MICAL3: variants seen among roughly 807,000 people sequenced by gnomAD.
MICAL3 encodes the protein microtubule associated monooxygenase, calponin and LIM domain containing 3.
A neutral mutation model predicts 207.4 loss-of-function variants in MICAL3; 62 were observed. The observed-to-expected ratio is 0.30, with a 90% confidence interval of 0.24 to 0.37. The LOEUF (loss-of-function observed/expected upper bound fraction) is 0.37. Ranked by LOEUF, MICAL3 falls within the 10% of genes least tolerant of loss-of-function variation. MICAL3 has a pLI of 1.00. For synonymous variants in MICAL3, 1,077 were observed against 1,069.3 expected (o/e 1.01, Z -0.14); for missense variants, 2,368 against 2,635.6 (o/e 0.90, Z 2.22).
At chr22:17,838,499 A>T (rs1366472850) in intron 20 of MICAL3, among the ~76,000 whole-genome samples, 1 of 50,468 alleles carries the variant, frequency 2.0e-5, no homozygotes, top group African/African-American at 2.5e-4. Flanking sequence ...TCCGGGCATC[A>T]AGGCTTCGTC....
intron 2 of MICAL3, 31 bp from the exon 3 acceptor site, chr22:17,904,870 G>A (rs368342998): frequency 1.4e-4 from 213 of 1,502,506 alleles, no homozygotes; most frequent in South Asian, 1.8e-4. Context: ...CAGGGCAGGC[G>A]GCACTTCCAA....
rs535989778 is a variant in MICAL3, at chr22:17,859,351, G to A, written c.2605+5548C>T. On this transcript the variant is annotated intron_variant, in intron 19 of 31. Coordinates refer to ENST00000441493, the MANE Select transcript of MICAL3 (RefSeq NM_015241.3). ...GAGAACACCCAAGTGCCTAGGGCCC[G>A]GCAGGTGCAGACTCGGGGCTGAGTG... 2.0e-5 allele frequency among the ~76,000 whole-genome samples: 3 copies of A among 152,306 alleles called. No individual in the cohort carries two copies. In the South Asian group the frequency reaches 6.2e-4, roughly 32 times the overall value.
chr22:17,792,953 G>C (rs2061839104), intron 29 of MICAL3, among the ~76,000 whole-genome samples: 2 of 152,266 alleles, frequency 1.3e-5, no homozygotes, highest in South Asian at 2.1e-4. Flanking sequence ...GGCCGTGGAG[G>C]AGGGGCCCGA....
At chr22:18,023,828 A>T (rs972790040) in intron 1 of MICAL3, among the ~76,000 whole-genome samples, 2 of 152,176 alleles carry the variant, frequency 1.3e-5, no homozygotes, top group African/African-American at 4.8e-5. Context: ...GCTGCTCCTA[A>T]TGAGCTCATG....
chr22:17,930,453 T>C (rs1254859568), intron 1 of MICAL3, among the ~76,000 whole-genome samples: 1 of 152,098 alleles, frequency 6.6e-6, no homozygotes, highest in Non-Finnish European at 1.5e-5. Context: ...AGTCACACAA[T>C]GGAATACCAC....
chr22:17,810,309 C>T (rs1220305521), intron 28 of MICAL3, among the ~76,000 whole-genome samples: 6 of 152,218 alleles, frequency 3.9e-5, no homozygotes, highest in East Asian at 1.9e-4. Context: ...GTGATCCGCC[C>T]GCCTTGGCCT....
intron 1 of MICAL3, among the ~76,000 whole-genome samples, chr22:17,971,504 T>TCATTCATCTAGCATTGACTG (rs1935411330): frequency 6.6e-6 from 1 of 152,006 alleles, no homozygotes; most frequent in Non-Finnish European, 1.5e-5. Flanking sequence ...AAAAACCTCA[T>TCATTCATCTAGCATTGACTG]CATTCATCTA....
intron 1 of MICAL3, among the ~76,000 whole-genome samples, chr22:17,931,604 A>G (rs940366920): frequency 1.9e-4 from 29 of 152,208 alleles, no homozygotes; most frequent in Non-Finnish European, 3.2e-4. Context: ...TCCCTTCTGA[A>G]GGGACAGACT....
Position 17,841,723 on chromosome 22 carries a change from G to A in MICAL3, c.2801+99C>T, listed in dbSNP as rs941138775. 5 of 1,262,278 alleles carry A rather than the reference G, an allele frequency of 4.0e-6. No homozygotes were observed. The highest frequency in any genetic ancestry group is 1.5e-5 in the African/African-American group (1 of 67,494). 78.2% of individuals were successfully genotyped at this position (1,262,278 alleles called of 1,614,324 possible). Reference sequence around the variant, plus strand: ...TGGACTGCGGGCAGCAGGAAAGACAGGAGGCCTCCCTTCACTGAGAAGAAA... The same window carrying A: ...TGGACTGCGGGCAGCAGGAAAGACAAGAGGCCTCCCTTCACTGAGAAGAAA... On this transcript the variant is annotated intron_variant, in intron 20 of 31. Coordinates refer to ENST00000441493, the MANE Select transcript of MICAL3 (RefSeq NM_015241.3). This position sits in a 1 kb window ranked among gnomAD's most constrained non-coding sequence, Gnocchi z 4.2.
intron 29 of MICAL3, chr22:17,803,820 G>A: frequency 1.0e-6 from 1 of 985,772 alleles, no homozygotes; most frequent in Non-Finnish European, 1.2e-6. Flanking sequence ...CCACCCAGAT[G>A]CAAGTCGATG....
intron 1 of MICAL3, among the ~76,000 whole-genome samples, chr22:17,976,557 GTGTGTATATATA>G (rs1249880826): frequency 4.9e-5 from 4 of 81,312 alleles, no homozygotes; most frequent in African/African-American, 7.8e-5. Flanking sequence ...GTGTGTGTGT[GTGTGTATATATA>G]TATATATATA....
intron 1 of MICAL3, among the ~76,000 whole-genome samples, chr22:17,993,697 C>T (rs1281138637): frequency 1.3e-5 from 2 of 152,144 alleles, no homozygotes; most frequent in African/African-American, 2.4e-5. Flanking sequence ...CCTCCTGACT[C>T]TGCCCCCTGA....
intron 1 of MICAL3, among the ~76,000 whole-genome samples, chr22:17,989,454 T>C (rs887488692): frequency 3.3e-5 from 5 of 152,086 alleles, no homozygotes; most frequent in Admixed American, 2.6e-4. Flanking sequence ...CTTATTTATC[T>C]CCCACCACCC....
At chr22:17,988,077 G>A (rs568533095) in intron 1 of MICAL3, among the ~76,000 whole-genome samples, 1 of 152,244 alleles carries the variant, frequency 6.6e-6, no homozygotes, top group South Asian at 2.1e-4. Context: ...CTGCCCCCAG[G>A]GAGACATGGG....
intron 2 of MICAL3, among the ~76,000 whole-genome samples, chr22:17,906,290 T>C (rs535411666): frequency 3.3e-5 from 5 of 152,310 alleles, no homozygotes; most frequent in Admixed American, 1.3e-4. Context: ...ATCCACAAAA[T>C]TTCAACAGGG....
At chr22:17,795,198 G>A (rs550604807) in intron 29 of MICAL3, among the ~76,000 whole-genome samples, 154 of 152,316 alleles carry the variant, frequency 1.0e-3, no homozygotes, top group African/African-American at 3.1e-3. Context: ...CGGCACAGCC[G>A]GCCGAATGCA....
intron 20 of MICAL3, chr22:17,840,967 G>A (rs959404230): frequency 1.3e-5 from 2 of 152,214 alleles, no homozygotes; most frequent in African/African-American, 2.4e-5. Context: ...AAAGCAGCTC[G>A]GCCCAGCAAA....
chr22:17,927,003 T>C (rs1287451963), intron 1 of MICAL3, among the ~76,000 whole-genome samples: 4 of 152,244 alleles, frequency 2.6e-5, no homozygotes, highest in African/African-American at 9.6e-5. Context: ...CCATTCACAA[T>C]GTTGCACAAC....
chr22:18,020,613 T>TAAAAAAAAAAAAAAAAAA (rs55654559), intron 1 of MICAL3, among the ~76,000 whole-genome samples: 7 of 119,734 alleles, frequency 5.8e-5, no homozygotes, highest in South Asian at 2.7e-4. Flanking sequence ...CTTTAAAAAG[T>TAAAAAAAAAAAAAAAAAA]AAAAAAAAAA....
Sources: allele counts gnomAD v4.1 joint callset (sites outside exome capture counted in the v4.1 genomes callset), GRCh38; gene constraint gnomAD v4.1.1; non-coding constraint Gnocchi (gnomAD v3.1); transcripts MANE v1.5; gene names NCBI Gene and HGNC (gene_info 2026-07-23, HGNC 2026-07-21).